Variants in EPHB2 observed in about 807,000 individuals in gnomAD.
EPHB2 encodes the protein ephrin type-B receptor 2.
In EPHB2, 18 loss-of-function variants were observed where a neutral mutation model predicts 96.4. The observed-to-expected ratio is 0.19, with a 90% CI of 0.13 to 0.28. The LOEUF (loss-of-function observed/expected upper bound fraction) is 0.28, where lower values mean the gene tolerates loss of function less well. EPHB2 is among the 10% of genes least tolerant of loss of function. The pLI, the probability that EPHB2 is intolerant of heterozygous loss-of-function variation, is 1.00. For missense variants in EPHB2, 989 were observed against 1,355.4 expected, an observed-to-expected ratio of 0.73 and a Z score of 4.25; for synonymous variants, 506 against 534.1, an observed-to-expected ratio of 0.95 and a Z score of 0.72.
chr1:22,808,256 G>A (rs924356967), intron 3 of EPHB2, among the ~76,000 whole-genome samples: 9 of 152,216 alleles, frequency 5.9e-5, no homozygotes, highest in African/African-American at 9.7e-5. Flanking sequence ...ACCTGAATGC[G>A]GTGCTGCACC....
chr1:22,785,085 C>T lies in EPHB2; in HGVS notation c.811+9C>T, dbSNP rs553940514. ...TGGCACCGTCTGCCGAGGTAAGGGCCAGGGTGGGGCACGTGCCCCTGCAAA... is the reference window on the plus strand; with the variant it reads ...TGGCACCGTCTGCCGAGGTAAGGGCTAGGGTGGGGCACGTGCCCCTGCAAA... On this transcript the variant is annotated intron_variant, in intron 3 of 15. Coordinates refer to ENST00000374630, the MANE Select transcript of EPHB2 (RefSeq NM_017449.5). 6.2e-7 allele frequency: 1 copy of T among 1,613,374 alleles called. No individual in the cohort carries two copies. Among genetic ancestry groups the T allele is most frequent in the Admixed American group, 1.7e-5 (1 of 60,030 alleles).
chr1:22,877,118 C>T (rs539916700), intron 5 of EPHB2, among the ~76,000 whole-genome samples: 2 of 152,146 alleles, frequency 1.3e-5, no homozygotes, highest in Admixed American at 6.5e-5. Context: ...CTCGGAGGTC[C>T]GCTGGTTTCC....
At chr1:22,782,333 C>T (rs1644544858) in intron 2 of EPHB2, among the ~76,000 whole-genome samples, 1 of 152,170 alleles carries the variant, frequency 6.6e-6, no homozygotes, top group Admixed American at 6.5e-5. Context: ...TCATCATTGT[C>T]ATTGTCATGA....
intron 1 of EPHB2, among the ~76,000 whole-genome samples, chr1:22,769,258 G>C (rs914338177): frequency 6.6e-6 from 1 of 152,228 alleles, no homozygotes; most frequent in South Asian, 2.1e-4. Flanking sequence ...TCCAGACTCA[G>C]CAAGGGCCCA....
chr1:22,731,920 C>T (rs531110486), intron 1 of EPHB2, among the ~76,000 whole-genome samples: 14 of 152,360 alleles, frequency 9.2e-5, no homozygotes, highest in African/African-American at 3.1e-4. Flanking sequence ...TGCTTTTGTG[C>T]GGCCTGTGCC....
chr1:22,883,121 C>T (rs544220404), intron 6 of EPHB2, among the ~76,000 whole-genome samples: 45 of 152,344 alleles, frequency 3.0e-4, no homozygotes, highest in South Asian at 2.5e-3. Flanking sequence ...CTTGGGCAGG[C>T]GTCTTTCTCC....
In EPHB2 at chr1:22,913,838, A is replaced by G; in HGVS notation, c.*268A>G. 6.2e-7 allele frequency: 1 copy of G among 1,610,082 alleles called. No individual in the cohort carries two copies. Among genetic ancestry groups the G allele is most frequent in the Non-Finnish European group, 8.5e-7 (1 of 1,178,522 alleles). ...AATATTTTTTAAAGAGGATTCTCAT[A>G]AGGAAAGCAATGACTGTTCTTGCGG... is the stretch of plus-strand genomic sequence containing the variant. On this transcript the variant is annotated 3_prime_UTR_variant, in exon 16 of 16. Coordinates refer to ENST00000374630, the MANE Select transcript of EPHB2 (RefSeq NM_017449.5). This position sits in a 1 kb window ranked among gnomAD's most constrained non-coding sequence, Gnocchi z 4.1.
At chr1:22,779,022 T>C (rs1161835630) in intron 1 of EPHB2, among the ~76,000 whole-genome samples, 1 of 152,208 alleles carries the variant, frequency 6.6e-6, no homozygotes, top group East Asian at 1.9e-4. Flanking sequence ...ACCCTCTTCT[T>C]GTCCCAAGCA....
chr1:22,863,699 G>A lies in EPHB2; in HGVS notation c.967+507G>A, dbSNP rs1638359157. 2.0e-5 allele frequency among the ~76,000 whole-genome samples: 3 copies of A among 152,184 alleles called. No individual in the cohort carries two copies. In the South Asian group the frequency reaches 6.2e-4, roughly 32 times the overall value. On this transcript the variant is annotated intron_variant, in intron 4 of 15. Transcript: ENST00000374630. ...GGATTTATTCTCTCACCCAAAAGGA[G>A]CCCAAGGTAGACAGTCCTGGGACAG...
At chr1:22,736,902 A>C (rs1357255586) in intron 1 of EPHB2, among the ~76,000 whole-genome samples, 1 of 151,756 alleles carries the variant, frequency 6.6e-6, no homozygotes, top group Non-Finnish European at 1.5e-5. Context: ...ACTGGGGGAG[A>C]CCGATTGGCT....
rs185273572 is a variant in EPHB2 at position 22,822,683 on chromosome 1, A to G, written c.811+37607A>G. Among the ~76,000 whole-genome samples, 82 of 152,354 alleles carry G rather than the reference A, an allele frequency of 5.4e-4. No homozygotes were observed. In the Middle Eastern group the frequency reaches 0.024, roughly 44 times the overall value. On this transcript the variant is annotated intron_variant, in intron 3 of 15. Transcript: ENST00000374630. ...GTGAAAGGAAGGCCCTGTTGGCCAA[A>G]GGGACCAGTCCTGGGTCAGGACATG... is the stretch of plus-strand genomic sequence containing the variant.
intron 15 of EPHB2, 87 bp downstream of exon 15, chr1:22,912,686 G>T (rs1640148368): frequency 6.3e-7 from 1 of 1,585,252 alleles, no homozygotes; most frequent in Admixed American, 1.7e-5. Context: ...GGAGGGTGAG[G>T]AATAGATCAT....
chr1:22,731,410 T>C (rs1381336884), intron 1 of EPHB2, among the ~76,000 whole-genome samples: 1 of 152,198 alleles, frequency 6.6e-6, no homozygotes, highest in Non-Finnish European at 1.5e-5. Context: ...GTTCATGTCC[T>C]GGCACCAGCT....
At chr1:22,773,084 G>A (rs1644400999) in intron 1 of EPHB2, among the ~76,000 whole-genome samples, 1 of 152,192 alleles carries the variant, frequency 6.6e-6, no homozygotes, top group South Asian at 2.1e-4. Flanking sequence ...CTATGGTTCT[G>A]TATGGTCCAG....
At chr1:22,815,010 T>A (rs1030144310) in intron 3 of EPHB2, among the ~76,000 whole-genome samples, 1 of 152,220 alleles carries the variant, frequency 6.6e-6, no homozygotes, top group Non-Finnish European at 1.5e-5. Context: ...TGCCAGGTGC[T>A]GGGGCCGTCA....
chr1:22,745,688 A>G (rs1404614611), intron 1 of EPHB2, among the ~76,000 whole-genome samples: 1 of 151,948 alleles, frequency 6.6e-6, no homozygotes, highest in Non-Finnish European at 1.5e-5. Flanking sequence ...ACAGGGGTTG[A>G]GAGGATGTGC....
rs570336717 is a variant in EPHB2, at chr1:22,721,024, C to T, written c.61+9981C>T. Among the ~76,000 whole-genome samples, 32 of 152,240 alleles carry T rather than the reference C, an allele frequency of 2.1e-4. No homozygotes were observed. The East Asian group carries it at 5.4e-3, about 26-fold the overall frequency. ...TCATAATTTCAGGCACTACAGAAGG[C>T]TGTGCCGAGGAGTAACTGTGTTCTT... On this transcript the variant is annotated intron_variant, in intron 1 of 15. Coordinates refer to ENST00000374630, the MANE Select transcript of EPHB2 (RefSeq NM_017449.5).
At position 22,913,791 on chromosome 1, in the gene EPHB2, G is replaced by C. The variant is rs1171718350; in HGVS notation, c.*221G>C. 1.2e-6 allele frequency: 2 copies of C among 1,609,566 alleles called. No homozygotes were observed. The highest frequency in any genetic ancestry group is 2.7e-5 in the African/African-American group (2 of 74,824). Reference sequence around the variant, plus strand: ...ATGGGAAAAAAGAAAACAGATCCTGGGAGGGGGCGGGAAATACAAGGAATA... The same window carrying C: ...ATGGGAAAAAAGAAAACAGATCCTGCGAGGGGGCGGGAAATACAAGGAATA... On this transcript the variant is annotated 3_prime_UTR_variant, in exon 16 of 16. Transcript: ENST00000374630. This position sits in a 1 kb window ranked among gnomAD's most constrained non-coding sequence, Gnocchi z 4.1.
At chr1:22,774,670 C>T (rs1010978031) in intron 1 of EPHB2, 16 of 959,772 alleles carry the variant, frequency 1.7e-5, no homozygotes, top group African/African-American at 1.8e-5. Context: ...GCAGGGGCCT[C>T]GAGTACCTTG....
Sources: gnomAD v4.1 joint callset for allele counts (sites outside exome capture counted in the v4.1 genomes callset) on GRCh38, gnomAD v4.1.1 for gene constraint, Gnocchi (gnomAD v3.1) non-coding constraint, MANE v1.5 for transcripts, NCBI Gene and HGNC (gene_info 2026-07-23, HGNC 2026-07-21) for gene names.